FRRS1: variants seen among roughly 807,000 people sequenced by gnomAD.
FRRS1 encodes the protein ferric chelate reductase 1, also known as ferric reductase 1.
Under a neutral mutation model 70.7 loss-of-function variants are expected in FRRS1, and 51 were observed. The ratio of observed to expected loss-of-function variants is 0.72; its 90% CI spans 0.58 to 0.91. The LOEUF (loss-of-function observed/expected upper bound fraction) is 0.91. Among genes scored for constraint, FRRS1 ranks in the 40% least tolerant of loss-of-function variants. FRRS1 has a pLI of 0.00. For missense variants in FRRS1, 672 were observed against 726.0 expected (o/e 0.93, Z 0.86); for synonymous variants, 225 against 238.7 (o/e 0.94, Z 0.53).
intron 3 of FRRS1, chr1:99,747,781 C>A (rs1189647079): frequency 6.1e-6 from 1 of 163,874 alleles, no homozygotes; most frequent in Admixed American, 6.1e-5. Flanking sequence ...TACACCAAAC[C>A]CTCGTGACAT....
At chr1:99,738,810 G>A (rs2100961715) in intron 6 of FRRS1, among the ~76,000 whole-genome samples, 1 of 152,178 alleles carries the variant, frequency 6.6e-6, no homozygotes, top group African/African-American at 2.4e-5. Context: ...GAAAAAAATG[G>A]TCGCCCCAAT....
At chr1:99,760,244 C>A (rs1557710621) in intron 1 of FRRS1, among the ~76,000 whole-genome samples, 1 of 152,184 alleles carries the variant, frequency 6.6e-6, no homozygotes, top group African/African-American at 2.4e-5. Flanking sequence ...GTGCTAATTT[C>A]TTCTGAACAC....
intron 9 of FRRS1, among the ~76,000 whole-genome samples, chr1:99,724,156 A>AG (rs145868191): frequency 7.2e-4 from 110 of 152,334 alleles, no homozygotes; most frequent in African/African-American, 2.5e-3. Context: ...CCTTCATGAA[A>AG]GCAGAAGTCC....
chr1:99,705,571 C>G lies in FRRS1; in HGVS notation c.*3457G>C, dbSNP rs907256821. On this transcript the variant is annotated 3_prime_UTR_variant, in exon 17 of 17. Coordinates refer to ENST00000646001, the MANE Select transcript of FRRS1 (RefSeq NM_001361041.2). ...CCTAGTTGGCATCTGCTGCATTTGT[C>G]TTTTCCCACTGCAGCCTGGACTGGT... is the stretch of plus-strand genomic sequence containing the variant. Among the ~76,000 whole-genome samples, 10 of 152,182 alleles carry G rather than the reference C, an allele frequency of 6.6e-5. No individual in the cohort carries two copies. Among genetic ancestry groups the G allele is most frequent in the African/African-American group, 2.2e-4 (9 of 41,434 alleles).
intron 7 of FRRS1, among the ~76,000 whole-genome samples, chr1:99,732,282 A>C (rs1655430142): frequency 6.6e-6 from 1 of 152,130 alleles, no homozygotes; most frequent in Non-Finnish European, 1.5e-5. Context: ...AAGAACTTCC[A>C]CCAAATCCCT....
In FRRS1 at chr1:99,712,492, G is replaced by A. The variant is rs376886826; in HGVS notation, c.1347C>T (p.Leu449=). The A allele has an allele frequency of 1.7e-5, 27 of 1,610,386 alleles. No homozygotes were observed. In the African/African-American group the frequency reaches 1.9e-4, roughly 11 times the overall value. ...CTGCCAAAGTCATCACTATACAGCC[G>A]AGGTATGGGTGGTAACCTGCATGCT... The part of the protein sequence containing the change: ...WSRHAGYHPY[L]GCIVMTLAVL... Residue 449 remains leucine, a synonymous_variant, in exon 13 of 17, where the codon CTC becomes CTT. Coordinates refer to ENST00000646001, the MANE Select transcript of FRRS1 (RefSeq NM_001361041.2).
rs552245636 is a variant in FRRS1 at position 99,747,201 on chromosome 1, G to A, written c.333+93C>T. The A allele has an allele frequency of 1.3e-5, 13 of 983,188 alleles. No individual in the cohort carries two copies. The African/African-American group carries it at 2.1e-4, about 16-fold the overall frequency. The allele number at this position is 983,188 out of a possible 1,614,324, so 60.9% of individuals were successfully genotyped here. A position where few individuals can be genotyped will look rare whatever the true frequency, so the allele number is the denominator to read the frequency against. ...CTATTTGTAGTTAAGTCTGGGGGGAGTCAAAAGTTATACACAGATTTCCAA... is the reference window on the plus strand; with the variant it reads ...CTATTTGTAGTTAAGTCTGGGGGGAATCAAAAGTTATACACAGATTTCCAA... On this transcript the variant is annotated intron_variant, in intron 4 of 16. Transcript: ENST00000646001.
At chr1:99,764,011 A>G (rs918270516) in intron 1 of FRRS1, among the ~76,000 whole-genome samples, 8 of 152,234 alleles carry the variant, frequency 5.3e-5, no homozygotes, top group Admixed American at 2.0e-4. Flanking sequence ...CCCAAACTAT[A>G]TAATACTTGC....
chr1:99,716,439 C>A (rs1274799926), intron 11 of FRRS1, among the ~76,000 whole-genome samples: 1 of 152,138 alleles, frequency 6.6e-6, no homozygotes. Flanking sequence ...TCCACATGAG[C>A]AGATGAGAGA....
At chr1:99,759,800 A>T (rs1657029715) in intron 1 of FRRS1, among the ~76,000 whole-genome samples, 1 of 152,250 alleles carries the variant, frequency 6.6e-6, no homozygotes, top group Non-Finnish European at 1.5e-5. Context: ...CCTTATAAGC[A>T]GCAGATTTAT....
Position 99,747,325 on chromosome 1 carries a change from A to T in FRRS1, c.302T>A (p.Val101Glu). 1 of 1,613,944 alleles carries T rather than the reference A, an allele frequency of 6.2e-7. No homozygotes were observed. The change falls in exon 4 of 17, where the codon GTG (valine) becomes GAG (glutamate). Residue 101 changes from valine to glutamate, a missense_variant. Physicochemically the swap from Val to Glu is moderately radical, Grantham distance 121. Coordinates refer to ENST00000646001, the MANE Select transcript of FRRS1 (RefSeq NM_001361041.2). ...ATCTTCACAGGTCAAAAGTTGTGACACTTCACTGTCAATCAATGTGAAGGA... is the reference window on the plus strand; with the variant it reads ...ATCTTCACAGGTCAAAAGTTGTGACTCTTCACTGTCAATCAATGTGAAGGA... ...IGSFTLIDSE[V>E]SQLLTCEDIQ...
At chr1:99,724,116 T>G (rs186474387) in intron 9 of FRRS1, among the ~76,000 whole-genome samples, 1 of 152,140 alleles carries the variant, frequency 6.6e-6, no homozygotes. Flanking sequence ...TCTGAATCAC[T>G]ATAGAGCCAT....
At chr1:99,709,302 C>T in intron 15 of FRRS1, 43 bp from the exon 16 acceptor site, 2 of 1,383,366 alleles carry the variant, frequency 1.4e-6, no homozygotes, top group Non-Finnish European at 2.0e-6. Context: ...CAGCGTTATG[C>T]AGGTAAATTA....
intron 1 of FRRS1, among the ~76,000 whole-genome samples, chr1:99,759,011 C>T (rs1237725890): frequency 6.6e-6 from 1 of 152,104 alleles, no homozygotes; most frequent in African/African-American, 2.4e-5. Flanking sequence ...ACTCTCGAAC[C>T]CTGTTTTCTG....
chr1:99,714,429 G>T (rs967693967), intron 12 of FRRS1, among the ~76,000 whole-genome samples: 1 of 152,108 alleles, frequency 6.6e-6, no homozygotes, highest in African/African-American at 2.4e-5. Context: ...TGATCTGCCT[G>T]CCTTGGCCTC....
rs144397374 is a variant in FRRS1, at chr1:99,704,624, G to T, written c.*4404C>A. On this transcript the variant is annotated 3_prime_UTR_variant, in exon 17 of 17. Transcript: ENST00000646001. ...CCCTGGCTCACCACGCCCCCATCCT[G>T]TGCCTATAAAAACCTCCAAGATTCT... is the stretch of plus-strand genomic sequence containing the variant. Among the ~76,000 whole-genome samples, 2 of 152,256 alleles carry T rather than the reference G, an allele frequency of 1.3e-5. No individual in the cohort carries two copies. Among genetic ancestry groups the T allele is most frequent in the Non-Finnish European group, 2.9e-5 (2 of 68,008 alleles).
intron 7 of FRRS1, among the ~76,000 whole-genome samples, chr1:99,734,188 T>A (rs1655534942): frequency 6.6e-6 from 1 of 152,196 alleles, no homozygotes; most frequent in Admixed American, 6.5e-5. Context: ...ACTGATTGGA[T>A]CCTGAATAAG....
At chr1:99,731,594 C>T (rs1655391933) in intron 7 of FRRS1, among the ~76,000 whole-genome samples, 1 of 152,124 alleles carries the variant, frequency 6.6e-6, no homozygotes, top group African/African-American at 2.4e-5. Flanking sequence ...AGAATGACTT[C>T]TACATACTTA....
intron 15 of FRRS1, 43 bp from the exon 16 acceptor site, chr1:99,709,302 C>A: frequency 7.2e-7 from 1 of 1,383,366 alleles, no homozygotes; most frequent in Non-Finnish European, 1.0e-6. Flanking sequence ...CAGCGTTATG[C>A]AGGTAAATTA....
Sources: allele counts gnomAD v4.1 joint callset (sites outside exome capture counted in the v4.1 genomes callset), GRCh38; gene constraint gnomAD v4.1.1; transcripts MANE v1.5; gene names NCBI Gene and HGNC (gene_info 2026-07-23, HGNC 2026-07-21).